SUFU: variants seen among roughly 807,000 people sequenced by gnomAD.
The protein encoded by SUFU is suppressor of fused homolog.
Under a neutral mutation model 58.9 loss-of-function variants are expected in SUFU, and 7 were observed. The observed-to-expected ratio is 0.12, with a 90% CI of 0.07 to 0.22. SUFU has a LOEUF of 0.22. Among genes scored for constraint, SUFU ranks in the 10% least tolerant of loss-of-function variants. The pLI, the probability that SUFU is intolerant of heterozygous loss-of-function variation, is 1.00. For missense variants in SUFU, 451 were observed against 641.3 expected (o/e 0.70, Z 3.20); for synonymous variants, 232 against 254.8 (o/e 0.91, Z 0.85).
chr10:102,531,776 T>G (rs533944765), intron 2 of SUFU, among the ~76,000 whole-genome samples: 1 of 152,234 alleles, frequency 6.6e-6, no homozygotes, highest in Admixed American at 6.5e-5. Context: ...GTCACTCTCC[T>G]AAGGCTGAAG....
chr10:102,603,405 C>T (rs1415178172), intron 8 of SUFU, among the ~76,000 whole-genome samples: 1 of 152,188 alleles, frequency 6.6e-6, no homozygotes, highest in African/African-American at 2.4e-5. Flanking sequence ...CAGCCAGTGA[C>T]TTACCACCTG....
chr10:102,556,323 A>C (rs1179392394), intron 3 of SUFU, among the ~76,000 whole-genome samples: 2 of 152,224 alleles, frequency 1.3e-5, no homozygotes, highest in Non-Finnish European at 2.9e-5. Context: ...GTGGAAGCTG[A>C]GCTGGAGAGA....
At chr10:102,624,490 A>G (rs1448612932) in intron 10 of SUFU, among the ~76,000 whole-genome samples, 1 of 152,222 alleles carries the variant, frequency 6.6e-6, no homozygotes, top group Non-Finnish European at 1.5e-5. Context: ...CACCTTTAAT[A>G]TCATGTAGAT....
intron 8 of SUFU, among the ~76,000 whole-genome samples, chr10:102,613,696 A>G (rs1336498369): frequency 1.3e-5 from 2 of 152,266 alleles, no homozygotes; most frequent in Non-Finnish European, 2.9e-5. Flanking sequence ...AGCCCAAACC[A>G]GGATCCGGCC....
chr10:102,539,970 T>A (rs1242603867), intron 2 of SUFU, among the ~76,000 whole-genome samples: 3 of 152,232 alleles, frequency 2.0e-5, no homozygotes. Flanking sequence ...TATAATTTGT[T>A]AGGATGCTTT....
chr10:102,578,548 A>G (rs2063238759), intron 3 of SUFU, among the ~76,000 whole-genome samples: 1 of 151,932 alleles, frequency 6.6e-6, no homozygotes, highest in Non-Finnish European at 1.5e-5. Flanking sequence ...TCTGTACTAA[A>G]AGTACAAACA....
chr10:102,599,977 A>C (rs1311966468), intron 8 of SUFU, among the ~76,000 whole-genome samples: 1 of 151,974 alleles, frequency 6.6e-6, no homozygotes, highest in South Asian at 2.1e-4. Context: ...GGCCAGCCCC[A>C]TACTGGATGC....
chr10:102,579,716 G>A (rs1465109646), intron 3 of SUFU: 10 of 444,150 alleles, frequency 2.3e-5, no homozygotes, highest in Middle Eastern at 1.2e-3. Flanking sequence ...GTGGGACTGC[G>A]TATTCATTTC....
rs1386223571 is a variant in SUFU, at chr10:102,632,065, A to G, written c.*1910A>G. On this transcript the variant is annotated 3_prime_UTR_variant, in exon 12 of 12. Transcript: ENST00000369902. ...GCCTCCATTCCTTGCCACCATGACC[A>G]GCCTCTCCCTGAACTCTCTCTTGCT... 7 of 233,280 alleles carry G rather than the reference A, an allele frequency of 3.0e-5. No homozygotes were observed. In the East Asian group the frequency reaches 4.2e-4, roughly 14 times the overall value. The allele number at this position is 233,280 out of a possible 1,614,324, so 14.5% of individuals were successfully genotyped here. A position where few individuals can be genotyped will look rare whatever the true frequency, so the allele number is the denominator to read the frequency against.
intron 2 of SUFU, among the ~76,000 whole-genome samples, chr10:102,527,648 T>C (rs909886017): frequency 6.6e-6 from 1 of 152,166 alleles, no homozygotes; most frequent in Admixed American, 6.5e-5. Context: ...ATTATCTCTT[T>C]GGGTGGCAGT....
chr10:102,516,433 G>A (rs1319749421), intron 2 of SUFU, among the ~76,000 whole-genome samples: 2 of 152,136 alleles, frequency 1.3e-5, no homozygotes, highest in Non-Finnish European at 2.9e-5. Context: ...CCTTTATAAA[G>A]CATTTCATTT....
intron 3 of SUFU, among the ~76,000 whole-genome samples, chr10:102,590,157 T>C (rs1377463233): frequency 3.7e-4 from 11 of 30,030 alleles, no homozygotes; most frequent in South Asian, 2.8e-3. Flanking sequence ...TTTTTTCTTT[T>C]TTCTTTTTTT....
At chr10:102,520,274 A>G (rs1009331142) in intron 2 of SUFU, among the ~76,000 whole-genome samples, 1 of 136,712 alleles carries the variant, frequency 7.3e-6, no homozygotes, top group Non-Finnish European at 1.6e-5. Flanking sequence ...CTGGAGCACA[A>G]TGGTGCGATC....
At chr10:102,504,396 G>A in intron 1 of SUFU, 62 bp downstream of exon 1, 2 of 1,599,004 alleles carry the variant, frequency 1.3e-6, no homozygotes, top group South Asian at 1.1e-5. Context: ...AGCGCCGAGG[G>A]CGAAGTAATT....
chr10:102,619,536 G>A lies in SUFU; in HGVS notation c.1296+2108G>A. Reference sequence around the variant, plus strand: ...GGCTCACAGGAGAGCTCCTGGGAAGGCTGGCGGAGGCCCCACACCCCAAGC... The same window carrying A: ...GGCTCACAGGAGAGCTCCTGGGAAGACTGGCGGAGGCCCCACACCCCAAGC... On this transcript the variant is annotated intron_variant, in intron 10 of 11. Transcript: ENST00000369902. This position sits in a 1 kb window ranked among gnomAD's most constrained non-coding sequence, Gnocchi z 4.2. 1 of 1,088,926 alleles carries A rather than the reference G, an allele frequency of 9.2e-7. No individual in the cohort carries two copies. Among genetic ancestry groups the A allele is most frequent in the Non-Finnish European group, 1.1e-6 (1 of 891,404 alleles). The allele number at this position is 1,088,926 out of a possible 1,614,324, so 67.5% of individuals were successfully genotyped here.
At chr10:102,576,870 T>G (rs1390440177) in intron 3 of SUFU, among the ~76,000 whole-genome samples, 2 of 151,888 alleles carry the variant, frequency 1.3e-5, no homozygotes, top group African/African-American at 4.8e-5. Context: ...CCACCATGCC[T>G]GACTAATTTT....
intron 3 of SUFU, among the ~76,000 whole-genome samples, chr10:102,583,769 A>ATATG (rs2063308439): frequency 6.6e-6 from 1 of 151,458 alleles, no homozygotes; most frequent in African/African-American, 2.4e-5. Flanking sequence ...GGTTTGTTGC[A>ATATG]TATGTATACA....
At chr10:102,504,440 A>G in intron 1 of SUFU, 106 bp downstream of exon 1, 1 of 1,544,076 alleles carries the variant, frequency 6.5e-7, no homozygotes, top group Non-Finnish European at 8.8e-7. Flanking sequence ...GAGAATGGTT[A>G]AAGCACTCAG....
intron 2 of SUFU, among the ~76,000 whole-genome samples, chr10:102,518,133 C>T (rs2062495500): frequency 6.6e-6 from 1 of 152,116 alleles, no homozygotes; most frequent in African/African-American, 2.4e-5. Flanking sequence ...AATTATAGCC[C>T]TTACTTTGTA....
Sources: gnomAD v4.1 joint callset for allele counts (sites outside exome capture counted in the v4.1 genomes callset) on GRCh38, gnomAD v4.1.1 for gene constraint, Gnocchi (gnomAD v3.1) non-coding constraint, MANE v1.5 for transcripts, NCBI Gene and HGNC (gene_info 2026-07-23, HGNC 2026-07-21) for gene names.